ZNF438: variants seen among roughly 807,000 people sequenced by gnomAD.
ZNF438 encodes the protein zinc finger protein 438.
In ZNF438, 25 loss-of-function variants were observed where a neutral mutation model predicts 38.0. The observed-to-expected ratio is 0.66, with a 90% CI of 0.48 to 0.92. The LOEUF (loss-of-function observed/expected upper bound fraction) is 0.92, where lower values mean the gene tolerates loss of function less well. ZNF438 is among the 40% of genes least tolerant of loss of function. The pLI, the probability that ZNF438 is intolerant of heterozygous loss-of-function variation, is 0.00. For synonymous variants in ZNF438, 372 were observed against 364.1 expected, an observed-to-expected ratio of 1.02 and a Z score of -0.25; for missense variants, 1,007 against 999.6, an observed-to-expected ratio of 1.01 and a Z score of -0.10.
intron 1 of ZNF438, among the ~76,000 whole-genome samples, chr10:30,954,117 C>A (rs534248528): frequency 6.6e-6 from 1 of 152,146 alleles, no homozygotes; most frequent in East Asian, 1.9e-4. Flanking sequence ...CACTCCAGCC[C>A]AGGCGACAGT....
intron 4 of ZNF438, among the ~76,000 whole-genome samples, chr10:30,867,793 T>A (rs2036709822): frequency 6.6e-6 from 1 of 152,122 alleles, no homozygotes; most frequent in African/African-American, 2.4e-5. Flanking sequence ...TAGGAGAGAG[T>A]TTTGATAATA....
chr10:30,961,944 C>A (rs959419759), intron 1 of ZNF438, among the ~76,000 whole-genome samples: 4 of 143,258 alleles, frequency 2.8e-5, no homozygotes, highest in African/African-American at 7.4e-5. Flanking sequence ...AAACAAAATG[C>A]GTTTAAAACT....
chr10:30,856,372 T>TTTTTG (rs201231182), intron 4 of ZNF438, among the ~76,000 whole-genome samples: 1,663 of 152,272 alleles, frequency 0.011, 18 homozygotes, highest in Non-Finnish European at 0.016. Flanking sequence ...AACTCGTGTT[T>TTTTTG]TTTTGTTTTG....
intron 3 of ZNF438, among the ~76,000 whole-genome samples, chr10:30,885,361 C>G (rs956716181): frequency 6.6e-6 from 1 of 152,164 alleles, no homozygotes; most frequent in Non-Finnish European, 1.5e-5. Context: ...GGTTGATAAT[C>G]ACACAAGATC....
intron 1 of ZNF438, among the ~76,000 whole-genome samples, chr10:30,967,091 A>C (rs1174873032): frequency 6.6e-6 from 1 of 152,210 alleles, no homozygotes; most frequent in Admixed American, 6.5e-5. Context: ...ACCTGAGATT[A>C]AGGCAGCATT....
At chr10:30,943,820 C>A (rs945215848) in intron 1 of ZNF438, among the ~76,000 whole-genome samples, 4 of 151,922 alleles carry the variant, frequency 2.6e-5, no homozygotes, top group Non-Finnish European at 5.9e-5. Flanking sequence ...TCCTTTAAAA[C>A]CTAGATTTTT....
intron 1 of ZNF438, among the ~76,000 whole-genome samples, chr10:30,956,400 C>T (rs3011601): frequency 0.21 from 31,428 of 152,076 alleles, 4,073 homozygotes; most frequent in Middle Eastern, 0.32. Context: ...GTGTGGTATT[C>T]TGATACTTGT....
At chr10:30,857,771 G>C in intron 4 of ZNF438, 1 of 1,440,132 alleles carries the variant, frequency 6.9e-7, no homozygotes, top group Non-Finnish European at 9.3e-7. Context: ...GCCATCAAAG[G>C]ATTGGATCTG....
chr10:30,873,374 T>C (rs1027892283), intron 4 of ZNF438, among the ~76,000 whole-genome samples: 14 of 152,336 alleles, frequency 9.2e-5, no homozygotes, highest in African/African-American at 2.9e-4. Flanking sequence ...GTTAAATCTC[T>C]TTATCTGAAA....
rs553619320 is a variant in ZNF438 at position 31,031,627 on chromosome 10, C to T, written c.-192+206G>A. ...CAGGGGAAAAGGTGCTGGCCCGGCC[C>T]CACGGGGCGCGGCCTCGCCTCCCGC... On this transcript the variant is annotated intron_variant, in intron 1 of 5. Coordinates refer to ENST00000413025, the Ensembl canonical transcript of ZNF438. Among the ~76,000 whole-genome samples the T allele has an allele frequency of 2.1e-4, 32 of 152,246 alleles. 1 individual carries two copies. Among genetic ancestry groups the T allele is most frequent in the Middle Eastern group, 6.8e-3 (2 of 294 alleles).
At chr10:30,951,229 G>C (rs903578815) in intron 1 of ZNF438, among the ~76,000 whole-genome samples, 13 of 151,254 alleles carry the variant, frequency 8.6e-5, no homozygotes, top group Non-Finnish European at 1.3e-4. Context: ...CAATAAATTA[G>C]GTATTGATGG....
chr10:30,907,296 T>C (rs983082594), intron 3 of ZNF438, among the ~76,000 whole-genome samples: 21 of 152,200 alleles, frequency 1.4e-4, no homozygotes, highest in African/African-American at 5.1e-4. Context: ...ATCAGAACTA[T>C]AGACCAAAGA....
intron 1 of ZNF438, among the ~76,000 whole-genome samples, chr10:31,012,549 T>C (rs1564847180): frequency 6.6e-6 from 1 of 152,178 alleles, no homozygotes; most frequent in African/African-American, 2.4e-5. Flanking sequence ...CAAGGGCAGA[T>C]TTTGTTTTGA....
chr10:30,909,275 C>G (rs2042862405), intron 2 of ZNF438, among the ~76,000 whole-genome samples: 1 of 151,996 alleles, frequency 6.6e-6, no homozygotes, highest in Admixed American at 6.6e-5. Context: ...GTTACAAAAC[C>G]AAAGAAATGC....
intron 3 of ZNF438, among the ~76,000 whole-genome samples, chr10:30,890,869 T>C (rs947525356): frequency 2.6e-5 from 4 of 152,228 alleles, no homozygotes; most frequent in Non-Finnish European, 4.4e-5. Context: ...CATTATCAAC[T>C]GATGTCCCAC....
At chr10:30,914,532 C>T (rs1442226957) in intron 2 of ZNF438, among the ~76,000 whole-genome samples, 1 of 151,836 alleles carries the variant, frequency 6.6e-6, no homozygotes, top group Admixed American at 6.6e-5. Flanking sequence ...CTGGATGTTA[C>T]CACTGGGGGG....
intron 1 of ZNF438, among the ~76,000 whole-genome samples, chr10:30,980,973 T>C (rs1400193074): frequency 1.3e-5 from 2 of 152,172 alleles, no homozygotes; most frequent in African/African-American, 4.8e-5. Flanking sequence ...ACAATCTGAA[T>C]AGCTACATTT....
intron 2 of ZNF438, among the ~76,000 whole-genome samples, chr10:30,916,528 G>T (rs1390782520): frequency 6.6e-6 from 1 of 151,098 alleles, no homozygotes; most frequent in African/African-American, 2.4e-5. Context: ...ATCCTTTTTT[G>T]TTGTTGTTGT....
At chr10:30,884,623 T>C (rs1432452846) in intron 3 of ZNF438, among the ~76,000 whole-genome samples, 1 of 152,232 alleles carries the variant, frequency 6.6e-6, no homozygotes, top group Non-Finnish European at 1.5e-5. Flanking sequence ...AATTAAAGAA[T>C]GCAAACAGCA....
Sources: allele counts gnomAD v4.1 joint callset (sites outside exome capture counted in the v4.1 genomes callset), GRCh38; gene constraint gnomAD v4.1.1; transcripts MANE v1.5; gene names NCBI Gene and HGNC (gene_info 2026-07-23, HGNC 2026-07-21).